The following PPP1R7 variants were observed in gnomAD, a reference collection of about 807,000 sequenced individuals.
PPP1R7 encodes the protein protein phosphatase 1 regulatory subunit 22.
Under a neutral mutation model 45.2 loss-of-function variants are expected in PPP1R7, and 18 were observed. The ratio of observed to expected loss-of-function variants is 0.40; its 90% CI spans 0.28 to 0.59. PPP1R7 has a LOEUF of 0.59. PPP1R7 is among the 20% of genes least tolerant of loss of function. PPP1R7 has a pLI of 0.46. For missense variants in PPP1R7, 314 were observed against 455.8 expected, an observed-to-expected ratio of 0.69 and a Z score of 2.83; for synonymous variants, 181 against 183.4, an observed-to-expected ratio of 0.99 and a Z score of 0.11.
chr2:241,174,232 G>C (rs966689353), intron 9 of PPP1R7, among the ~76,000 whole-genome samples: 2 of 152,160 alleles, frequency 1.3e-5, no homozygotes, highest in African/African-American at 4.8e-5. Flanking sequence ...TGAATATCCT[G>C]TGTATTTAAG....
intron 9 of PPP1R7, 67 bp downstream of exon 9, chr2:241,169,934 T>TATGA (rs1423932465): frequency 7.9e-7 from 1 of 1,262,924 alleles, no homozygotes; most frequent in Non-Finnish European, 1.2e-6. Flanking sequence ...TAAAATGTCT[T>TATGA]ATGAATGAAT....
At chr2:241,159,448 G>A in intron 5 of PPP1R7, 105 bp downstream of exon 5, 2 of 1,409,882 alleles carry the variant, frequency 1.4e-6, no homozygotes, top group East Asian at 5.1e-5. Context: ...CCCTTGAGAG[G>A]CTGCCTCTGC....
chr2:241,174,404 A>G (rs7562408), intron 9 of PPP1R7, among the ~76,000 whole-genome samples: 18,539 of 152,026 alleles, frequency 0.12, 2,698 homozygotes, highest in East Asian at 0.46. Flanking sequence ...ACAGGATACC[A>G]TGTGGATTTC....
intron 2 of PPP1R7, 126 bp downstream of exon 2, chr2:241,153,730 C>A: frequency 8.5e-7 from 1 of 1,183,088 alleles, no homozygotes; most frequent in South Asian, 1.6e-5. Context: ...CCTTAGGGGT[C>A]CTCAGTGGCC....
chr2:241,163,322 G>A lies in PPP1R7; in HGVS notation c.635G>A (p.Ser212Asn), dbSNP rs2067636067. ...ENIDTLTNLE[S>N]LFLGKNKITK... ...ATCGACACCTTAACCAACCTGGAGA[G>A]TTTGTTTTTGGGGAAAAACAAAATT... Residue 212 changes from serine (S) to asparagine (N), a missense_variant, in exon 7 of 10, where the codon AGT becomes AAT. Around this residue, in one of 3 missense-constraint regions of PPP1R7, gnomAD observed 168 missense variants for 285.3 expected, o/e 0.59. Transcript: ENST00000234038. 6.2e-7 allele frequency: 1 copy of A among 1,613,922 alleles called. No homozygotes were observed. Among genetic ancestry groups the A allele is most frequent in the African/African-American group, 1.3e-5 (1 of 75,034 alleles).
At chr2:241,155,380 G>A (rs1281751475) in intron 2 of PPP1R7, 1 of 152,124 alleles carries the variant, frequency 6.6e-6, no homozygotes, top group African/African-American at 2.4e-5. Flanking sequence ...AAAAATCCAA[G>A]TTTTTTCTTC....
At chr2:241,162,240 G>A (rs1377857771) in intron 6 of PPP1R7, among the ~76,000 whole-genome samples, 2 of 152,096 alleles carry the variant, frequency 1.3e-5, no homozygotes, top group African/African-American at 4.8e-5. Context: ...CCCTGCCCCC[G>A]CCAAGTCCTG....
chr2:241,180,804 C>T (rs2067990514), intron 9 of PPP1R7, among the ~76,000 whole-genome samples: 1 of 152,054 alleles, frequency 6.6e-6, no homozygotes, highest in African/African-American at 2.4e-5. Flanking sequence ...CAGCTCCTCC[C>T]AGCAGGTGTC....
At chr2:241,153,884 G>C (rs1246381811) in intron 2 of PPP1R7, among the ~76,000 whole-genome samples, 3 of 152,094 alleles carry the variant, frequency 2.0e-5, no homozygotes, top group Non-Finnish European at 4.4e-5. Context: ...GTCTGAGACA[G>C]AACCATGACA....
intron 6 of PPP1R7, 69 bp downstream of exon 6, chr2:241,160,563 G>T: frequency 7.3e-7 from 1 of 1,377,076 alleles, no homozygotes. Flanking sequence ...TGGACTCAGT[G>T]GGTGTATGTA....
intron 4 of PPP1R7, 77 bp downstream of exon 4, chr2:241,158,626 C>T: frequency 2.1e-6 from 3 of 1,446,762 alleles, no homozygotes; most frequent in Non-Finnish European, 1.9e-6. Flanking sequence ...GCAGTCAGTC[C>T]TGAGTTGTGG....
intron 1 of PPP1R7, chr2:241,151,618 G>A: frequency 2.1e-6 from 1 of 469,008 alleles, no homozygotes; most frequent in Non-Finnish European, 4.4e-6. Context: ...AAGGGTCTTG[G>A]ACTTCATACC....
chr2:241,163,539 A>G, intron 7 of PPP1R7, 138 bp downstream of exon 7: 4 of 657,542 alleles, frequency 6.1e-6, no homozygotes, highest in Non-Finnish European at 1.1e-5. Context: ...GAAACATTAG[A>G]TGCCATAGAC....
At chr2:241,158,791 T>A (rs2067518897) in intron 4 of PPP1R7, 1 of 529,608 alleles carries the variant, frequency 1.9e-6, no homozygotes, top group Admixed American at 3.1e-5. Context: ...GACCTGTGAC[T>A]CTGGCCTGCC....
intron 9 of PPP1R7, among the ~76,000 whole-genome samples, chr2:241,174,470 C>T (rs1488540461): frequency 6.6e-6 from 1 of 152,030 alleles, no homozygotes; most frequent in African/African-American, 2.4e-5. Flanking sequence ...GCTCCCTTTG[C>T]CTCCCCAAAC....
intron 2 of PPP1R7, among the ~76,000 whole-genome samples, chr2:241,154,830 T>G (rs565738061): frequency 6.6e-6 from 1 of 152,374 alleles, no homozygotes; most frequent in African/African-American, 2.4e-5. Context: ...CATTTTGTGT[T>G]TTCTAGATTT....
chr2:241,175,694 A>G (rs2067896604), intron 9 of PPP1R7, among the ~76,000 whole-genome samples: 1 of 152,190 alleles, frequency 6.6e-6, no homozygotes, highest in South Asian at 2.1e-4. Context: ...TCCTGAGTTC[A>G]AGTGATCCTC....
intron 2 of PPP1R7, among the ~76,000 whole-genome samples, chr2:241,154,574 G>A (rs1186908207): frequency 6.6e-6 from 1 of 152,132 alleles, no homozygotes; most frequent in Non-Finnish European, 1.5e-5. Context: ...GCATGGTGGT[G>A]TGCACCTGTA....
At position 241,168,666 on chromosome 2, in the gene PPP1R7, C is replaced by T. The variant is rs553032072; in HGVS notation, c.820-1115C>T. 7.2e-4 allele frequency among the ~76,000 whole-genome samples: 109 copies of T among 152,134 alleles called. 1 individual carries two copies. The highest frequency in any genetic ancestry group is 2.9e-4 in the Non-Finnish European group (20 of 68,030). On this transcript the variant is annotated intron_variant, in intron 8 of 9. Transcript: ENST00000234038. ...AAGGCACCTCCTAGGCAGCATGCCACGTATAGCCTGCTGGAGAGTGGCGTC... is the reference window on the plus strand; with the variant it reads ...AAGGCACCTCCTAGGCAGCATGCCATGTATAGCCTGCTGGAGAGTGGCGTC...
Sources: allele counts gnomAD v4.1 joint callset (sites outside exome capture counted in the v4.1 genomes callset), GRCh38; gene constraint gnomAD v4.1.1; regional missense constraint gnomAD v4.1.1; transcripts MANE v1.5; gene names NCBI Gene and HGNC (gene_info 2026-07-23, HGNC 2026-07-21).